Variants in PCDH7 observed in about 807,000 individuals in gnomAD.
PCDH7 encodes protocadherin 7.
In PCDH7, 17 loss-of-function variants were observed where a neutral mutation model predicts 58.9. The ratio of observed to expected loss-of-function variants is 0.29; its 90% confidence interval spans 0.20 to 0.43. PCDH7 has a LOEUF of 0.43. Ranked by LOEUF, PCDH7 falls within the 20% of genes least tolerant of loss-of-function variation. The probability of loss-of-function intolerance (pLI) is 1.00; values close to 1 mark genes in which losing one functional copy is unlikely to be tolerated. For synonymous variants in PCDH7, 664 were observed against 616.4 expected (o/e 1.08, Z -1.14); for missense variants, 1,274 against 1,441.0 (o/e 0.88, Z 1.88).
intron 3 of PCDH7, among the ~76,000 whole-genome samples, chr4:31,037,124 T>G (rs1755476456): frequency 6.6e-6 from 1 of 152,122 alleles, no homozygotes; most frequent in Non-Finnish European, 1.5e-5. Flanking sequence ...CATCTTTACC[T>G]CTCCAACATC....
At chr4:30,844,245 T>A (rs1018531156) in intron 1 of PCDH7, among the ~76,000 whole-genome samples, 1 of 152,216 alleles carries the variant, frequency 6.6e-6, no homozygotes, top group Non-Finnish European at 1.5e-5. Context: ...GATCCCAAAC[T>A]AAGAGTTTTC....
rs1211425884 is a variant in PCDH7, at chr4:30,968,355, CACACTA to C, written c.*7+18141_*7+18146del. ...TATACACACACTATATATATATACA[CACACTA>C]TATATATACACACACTATATATATA... On this transcript the variant is annotated intron_variant, in intron 3 of 3. Coordinates refer to the PCDH7 transcript ENST00000509759. Among the ~76,000 whole-genome samples, 43 of 72,828 alleles carry C rather than the reference CACACTA, an allele frequency of 5.9e-4. 1 individual carries two copies. Among genetic ancestry groups the C allele is most frequent in the African/African-American group, 2.6e-3 (39 of 14,970 alleles). The allele number at this position is 72,828 out of a possible 152,430, so 47.8% of individuals were successfully genotyped here.
At chr4:30,789,115 C>T (rs1023114787) in intron 1 of PCDH7, among the ~76,000 whole-genome samples, 1 of 152,058 alleles carries the variant, frequency 6.6e-6, no homozygotes. Context: ...TATAAGTTAT[C>T]GTGTTCTGGG....
intron 1 of PCDH7, among the ~76,000 whole-genome samples, chr4:30,742,388 G>A (rs1006992070): frequency 5.9e-5 from 9 of 152,132 alleles, no homozygotes; most frequent in African/African-American, 2.2e-4. Context: ...TCTCCACTGT[G>A]TCGTATTGCT....
chr4:31,094,620 A>G (rs1234202377), intron 3 of PCDH7, among the ~76,000 whole-genome samples: 5 of 152,134 alleles, frequency 3.3e-5, no homozygotes, highest in Non-Finnish European at 5.9e-5. Flanking sequence ...TGGGACTGGG[A>G]GCAGTTTCAT....
intron 1 of PCDH7, among the ~76,000 whole-genome samples, chr4:30,834,679 C>T (rs1046581929): frequency 1.3e-5 from 2 of 150,798 alleles, no homozygotes; most frequent in South Asian, 2.1e-4. Flanking sequence ...AAAAAAAAAA[C>T]CTGAGTCTCT....
chr4:31,102,280 A>T (rs1413739469), intron 3 of PCDH7, among the ~76,000 whole-genome samples: 1 of 152,132 alleles, frequency 6.6e-6, no homozygotes, highest in East Asian at 1.9e-4. Flanking sequence ...CAAGTCAAGT[A>T]CAAAAATTGG....
chr4:30,850,958 A>AT lies in PCDH7; in HGVS notation c.71-69187dup, dbSNP rs903675891. Among the ~76,000 whole-genome samples, 33 of 151,852 alleles carry AT rather than the reference A, an allele frequency of 2.2e-4. 1 individual carries two copies. Among genetic ancestry groups the AT allele is most frequent in the African/African-American group, 7.5e-4 (31 of 41,406 alleles). ...GAAACATTATGTATGCCTGGTCTCTATTTTTTTTCCTCCCTTATTCAGACT... is the reference window on the plus strand; with the variant it reads ...GAAACATTATGTATGCCTGGTCTCTATTTTTTTTTCCTCCCTTATTCAGACT... On this transcript the variant is annotated intron_variant, in intron 1 of 3. Transcript: ENST00000509759.
chr4:30,765,717 C>T (rs1720655558), intron 1 of PCDH7, among the ~76,000 whole-genome samples: 1 of 152,158 alleles, frequency 6.6e-6, no homozygotes, highest in African/African-American at 2.4e-5. Flanking sequence ...TCTGTATTTA[C>T]TGTGTTCTCT....
chr4:31,060,206 C>T lies in PCDH7; in HGVS notation c.*8-82267C>T, dbSNP rs79414716. 6.5e-3 allele frequency among the ~76,000 whole-genome samples: 994 copies of T among 151,818 alleles called. 10 individuals carry two copies. The highest frequency in any genetic ancestry group is 0.023 in the African/African-American group (942 of 41,522). The stretch of plus-strand genomic sequence containing the variant: ...TGGGAAGAGATGGATATTTTCTGGA[C>T]ACATTGTCCCCAATCTTGGTTATGA... On this transcript the variant is annotated intron_variant, in intron 3 of 3. Coordinates refer to the PCDH7 transcript ENST00000509759.
intron 3 of PCDH7, among the ~76,000 whole-genome samples, chr4:31,093,740 C>A (rs945477549): frequency 6.6e-6 from 1 of 152,040 alleles, no homozygotes; most frequent in African/African-American, 2.4e-5. Context: ...ATTCTTGGAT[C>A]TTGGAGAAGT....
chr4:30,745,117 C>T (rs1318671585), intron 1 of PCDH7, among the ~76,000 whole-genome samples: 3 of 152,094 alleles, frequency 2.0e-5, no homozygotes, highest in South Asian at 4.1e-4. Context: ...TATATAGACA[C>T]TTTTAATCAT....
chr4:30,918,318 G>A (rs964418664), intron 1 of PCDH7, among the ~76,000 whole-genome samples: 4 of 152,118 alleles, frequency 2.6e-5, no homozygotes, highest in Non-Finnish European at 5.9e-5. Context: ...AACAGTCACA[G>A]GTGTGAGAAG....
At chr4:30,952,481 AT>A (rs1747456992) in intron 3 of PCDH7, among the ~76,000 whole-genome samples, 1 of 152,068 alleles carries the variant, frequency 6.6e-6, no homozygotes, top group Admixed American at 6.6e-5. Context: ...GAAAAAAAAA[AT>A]CTTTGAGAAA....
intron 1 of PCDH7, among the ~76,000 whole-genome samples, chr4:30,747,456 A>G (rs970144860): frequency 3.9e-5 from 6 of 152,182 alleles, no homozygotes; most frequent in Admixed American, 3.9e-4. Context: ...AGGCAAGGTC[A>G]TGTTTCTTTC....
chr4:31,097,635 T>TATATAA (rs1560221934), intron 3 of PCDH7, among the ~76,000 whole-genome samples: 14 of 45,706 alleles, frequency 3.1e-4, no homozygotes, highest in Non-Finnish European at 4.8e-4. Flanking sequence ...TATATATATA[T>TATATAA]ATAAATCTTT....
chr4:30,952,309 T>G (rs1356077164), intron 3 of PCDH7, among the ~76,000 whole-genome samples: 2 of 152,014 alleles, frequency 1.3e-5, no homozygotes, highest in Non-Finnish European at 2.9e-5. Flanking sequence ...TTAACCAAAT[T>G]TTTTTAAAGA....
At chr4:30,915,842 T>A (rs1742395635) in intron 1 of PCDH7, among the ~76,000 whole-genome samples, 1 of 152,142 alleles carries the variant, frequency 6.6e-6, no homozygotes, top group African/African-American at 2.4e-5. Flanking sequence ...TTTTTCAAAT[T>A]GCTTGCTTCT....
chr4:31,133,504 C>A (rs1055798732), intron 3 of PCDH7, among the ~76,000 whole-genome samples: 3 of 152,098 alleles, frequency 2.0e-5, no homozygotes, highest in Non-Finnish European at 4.4e-5. Context: ...GGAATATATG[C>A]CCCTGTCTGT....
Sources: allele counts gnomAD v4.1 joint callset (sites outside exome capture counted in the v4.1 genomes callset), GRCh38; gene constraint gnomAD v4.1.1; transcripts MANE v1.5; gene names NCBI Gene and HGNC (gene_info 2026-07-23, HGNC 2026-07-21).